The following DCDC1 variants were observed in gnomAD, a reference collection of about 807,000 sequenced individuals.
The protein encoded by DCDC1 is doublecortin domain-containing protein 1.
DCDC1 carries 200 observed loss-of-function variants against 178.3 expected under a neutral mutation model. That is an observed-to-expected ratio of 1.12 (90% confidence interval 1.00 to 1.26). The LOEUF (loss-of-function observed/expected upper bound fraction) is 1.26. DCDC1 is among the 50% of genes most tolerant of loss of function. The probability of loss-of-function intolerance (pLI) is 0.00; values close to 1 mark genes in which losing one functional copy is unlikely to be tolerated. For missense variants in DCDC1, 1,983 were observed against 1,749.2 expected, an observed-to-expected ratio of 1.13 and a Z score of -2.38; for synonymous variants, 690 against 604.8, an observed-to-expected ratio of 1.14 and a Z score of -2.07.
chr11:31,213,570 A>C (rs1973119606), intron 9 of DCDC1, among the ~76,000 whole-genome samples: 1 of 151,852 alleles, frequency 6.6e-6, no homozygotes, highest in Admixed American at 6.6e-5. Context: ...AAATACAAAA[A>C]TTAGCCAGGC....
At chr11:31,063,468 T>C (rs1956068115) in intron 20 of DCDC1, among the ~76,000 whole-genome samples, 1 of 152,182 alleles carries the variant, frequency 6.6e-6, no homozygotes. Flanking sequence ...CCAACAACCA[T>C]AGACTGGATT....
rs918029060 is a variant in DCDC1 at position 31,290,849 on chromosome 11, T to A, written c.758A>T (p.His253Leu). 1.2e-6 allele frequency: 2 copies of A among 1,610,622 alleles called. No individual in the cohort carries two copies. The highest frequency in any genetic ancestry group is 2.7e-5 in the African/African-American group (2 of 74,778). ...AGTTACTTTCTTAATTAACAACAGA[T>A]GGTCTAGAAGATAATTTTTTAAGTC... ...FLNPFKKIKDHLLLIKKVTWT... is the reference protein window; with the variant it reads ...FLNPFKKIKDLLLLIKKVTWT... Residue 253 changes from histidine to leucine, a missense_variant, in exon 7 of 39, where the codon CAT (histidine) becomes CTT (leucine). His to Leu is a moderately conservative substitution (Grantham distance 99). Coordinates refer to ENST00000684477, the MANE Select transcript of DCDC1 (RefSeq NM_001387274.1).
At chr11:31,238,093 A>T (rs879920738) in intron 9 of DCDC1, among the ~76,000 whole-genome samples, 4 of 143,260 alleles carry the variant, frequency 2.8e-5, no homozygotes, top group Non-Finnish European at 6.1e-5. Flanking sequence ...AATTGTATTT[A>T]AAAAAAAAAA....
Position 31,110,161 on chromosome 11 carries a change from T to C in DCDC1, c.1587+99A>G, listed in dbSNP as rs577272498. The C allele has an allele frequency of 3.1e-5, 19 of 609,538 alleles. No homozygotes were observed. In the African/African-American group the frequency reaches 3.1e-4, roughly 10 times the overall value. 37.8% of individuals were successfully genotyped at this position (609,538 alleles called of 1,614,324 possible). ...TCAGTCTTTACAGATCAACAAACCA[T>C]TGATCTTCTGCAAACAACTTTAAGA... On this transcript the variant is annotated intron_variant, in intron 12 of 38. Coordinates refer to ENST00000684477, the MANE Select transcript of DCDC1 (RefSeq NM_001387274.1).
chr11:30,917,334 G>C (rs749475600), intron 25 of DCDC1, among the ~76,000 whole-genome samples: 6 of 152,152 alleles, frequency 3.9e-5, no homozygotes, highest in Non-Finnish European at 8.8e-5. Flanking sequence ...CTACTCAGTA[G>C]TTTGAGAAAT....
chr11:31,327,918 C>A (rs1949736030), intron 3 of DCDC1, among the ~76,000 whole-genome samples, 199 bp downstream of exon 3: 1 of 151,634 alleles, frequency 6.6e-6, no homozygotes, highest in Non-Finnish European at 1.5e-5. Flanking sequence ...TTAGTAGAGA[C>A]AGGGTTTCAC....
chr11:30,991,330 TAATA>T (rs1033423415), intron 20 of DCDC1, among the ~76,000 whole-genome samples: 1 of 152,128 alleles, frequency 6.6e-6, no homozygotes, highest in Admixed American at 6.5e-5. Flanking sequence ...TATACCATAA[TAATA>T]AATAAAAAGA....
chr11:31,293,906 A>G (rs1460559305), intron 6 of DCDC1, among the ~76,000 whole-genome samples: 1 of 152,168 alleles, frequency 6.6e-6, no homozygotes, highest in African/African-American at 2.4e-5. Flanking sequence ...GCAAAATTTC[A>G]TATCTTTCTG....
chr11:31,159,816 G>T (rs1305128346), intron 9 of DCDC1, among the ~76,000 whole-genome samples: 1 of 152,154 alleles, frequency 6.6e-6, no homozygotes, highest in Non-Finnish European at 1.5e-5. Flanking sequence ...CTGTGTAGGT[G>T]GCATGATCCT....
intron 15 of DCDC1, among the ~76,000 whole-genome samples, chr11:31,097,537 A>G (rs928085142): frequency 6.6e-6 from 1 of 152,182 alleles, no homozygotes; most frequent in Non-Finnish European, 1.5e-5. Context: ...GTTCTCTCTT[A>G]TTGTTTCTAT....
chr11:31,048,332 A>G (rs1954997164), intron 20 of DCDC1, among the ~76,000 whole-genome samples: 1 of 152,220 alleles, frequency 6.6e-6, no homozygotes, highest in African/African-American at 2.4e-5. Context: ...AGAGAACACA[A>G]TGAAAAAAGT....
intron 20 of DCDC1, among the ~76,000 whole-genome samples, chr11:31,037,623 C>A (rs752895667): frequency 1.3e-5 from 2 of 151,602 alleles, no homozygotes; most frequent in Admixed American, 6.6e-5. Context: ...AAAATTAGCC[C>A]GGATAATTTT....
chr11:31,205,900 T>C (rs1193155379), intron 9 of DCDC1, among the ~76,000 whole-genome samples: 2 of 152,220 alleles, frequency 1.3e-5, no homozygotes, highest in Non-Finnish European at 2.9e-5. Context: ...CTATAATTTA[T>C]CTGGCAACCC....
intron 17 of DCDC1, among the ~76,000 whole-genome samples, chr11:31,082,483 G>A (rs1252477496): frequency 1.3e-5 from 2 of 152,014 alleles, no homozygotes; most frequent in African/African-American, 4.8e-5. Context: ...GCTAAGTAGT[G>A]TAACCCTATT....
chr11:31,127,463 A>G lies in DCDC1; in HGVS notation c.1485+6T>C. 3 of 702,000 alleles carry G rather than the reference A, an allele frequency of 4.3e-6. No individual in the cohort carries two copies. Among genetic ancestry groups the G allele is most frequent in the Non-Finnish European group, 7.8e-6 (3 of 384,388 alleles). 43.5% of individuals were successfully genotyped at this position (702,000 alleles called of 1,614,324 possible). A position where few individuals can be genotyped will look rare whatever the true frequency, so the allele number is the denominator to read the frequency against. On this transcript the variant is annotated splice_donor_region_variant and intron_variant, in intron 11 of 38. Transcript: ENST00000684477. ...AATCCAATGAGAGGCACAGAACGAC[A>G]CCCACCTTAAGCTGCAGGCCTCCTG...
At chr11:31,161,681 C>A (rs769154553) in intron 9 of DCDC1, among the ~76,000 whole-genome samples, 1 of 152,148 alleles carries the variant, frequency 6.6e-6, no homozygotes, top group African/African-American at 2.4e-5. Context: ...ATATACCACA[C>A]TGGATTGCTT....
intron 20 of DCDC1, among the ~76,000 whole-genome samples, chr11:31,058,092 G>A (rs1203018920): frequency 1.3e-5 from 2 of 151,984 alleles, no homozygotes; most frequent in African/African-American, 2.4e-5. Flanking sequence ...AAATATTTAC[G>A]CATTAAAAAA....
In DCDC1 at chr11:31,213,059, G is replaced by A. The variant is rs894160994; in HGVS notation, c.1221+28391C>T. Among the ~76,000 whole-genome samples, 6 of 145,552 alleles carry A rather than the reference G, an allele frequency of 4.1e-5. No individual in the cohort carries two copies. The Admixed American group carries it at 4.2e-4, about 10-fold the overall frequency. ...TATTAGATGATCCAGACATAGACAT[G>A]TGCATTGGTGAAACTGTGTCATCTT... On this transcript the variant is annotated intron_variant, in intron 9 of 38. Transcript: ENST00000684477.
rs529147654 is a variant in DCDC1 at position 31,258,644 on chromosome 11, G to A, written c.1054+6863C>T. On this transcript the variant is annotated intron_variant, in intron 8 of 38. Transcript: ENST00000684477. Reference sequence around the variant, plus strand: ...GTCCTTAGGAGGAAATGGCAGCAGTGTTCGTCCTCACTGGGACCCTTAGCA... The same window carrying A: ...GTCCTTAGGAGGAAATGGCAGCAGTATTCGTCCTCACTGGGACCCTTAGCA... 4.6e-5 allele frequency among the ~76,000 whole-genome samples: 7 copies of A among 152,272 alleles called. No homozygotes were observed. In the East Asian group the frequency reaches 7.7e-4, roughly 17 times the overall value.
Sources: allele counts gnomAD v4.1 joint callset (sites outside exome capture counted in the v4.1 genomes callset), GRCh38; gene constraint gnomAD v4.1.1; transcripts MANE v1.5; gene names NCBI Gene and HGNC (gene_info 2026-07-23, HGNC 2026-07-21).